Variants in IFNAR1 observed in about 807,000 individuals in gnomAD.
IFNAR1 encodes interferon alpha and beta receptor subunit 1.
A neutral mutation model predicts 62.1 loss-of-function variants in IFNAR1; 47 were observed. That is an observed-to-expected ratio of 0.76 (90% CI 0.60 to 0.97). The LOEUF (loss-of-function observed/expected upper bound fraction) is 0.97. Among genes scored for constraint, IFNAR1 ranks in the 50% least tolerant of loss-of-function variants. The pLI, the probability that IFNAR1 is intolerant of heterozygous loss-of-function variation, is 0.00. For missense variants in IFNAR1, 638 were observed against 654.5 expected (o/e 0.97, Z 0.27); for synonymous variants, 219 against 226.9 (o/e 0.97, Z 0.31).
intron 6 of IFNAR1, among the ~76,000 whole-genome samples, chr21:33,348,354 G>A (rs555791963): frequency 1.3e-5 from 2 of 152,160 alleles, no homozygotes; most frequent in East Asian, 3.9e-4. Flanking sequence ...ATATGGAGTT[G>A]GGAACATATG....
intron 10 of IFNAR1, among the ~76,000 whole-genome samples, chr21:33,354,772 G>A (rs920659851): frequency 6.6e-6 from 1 of 152,036 alleles, no homozygotes; most frequent in Non-Finnish European, 1.5e-5. Context: ...TAGGAGCAAA[G>A]GAGTTAAACC....
chr21:33,334,341 C>T (rs2083212268), intron 1 of IFNAR1, among the ~76,000 whole-genome samples: 1 of 152,056 alleles, frequency 6.6e-6, no homozygotes, highest in African/African-American at 2.4e-5. Context: ...AAGCCAAAGA[C>T]AGAGAAGTGA....
intron 5 of IFNAR1, among the ~76,000 whole-genome samples, chr21:33,344,651 A>G (rs1242134537): frequency 6.6e-6 from 1 of 152,070 alleles, no homozygotes; most frequent in Non-Finnish European, 1.5e-5. Context: ...TACTAGAAGT[A>G]TTTTACAGCT....
intron 3 of IFNAR1, among the ~76,000 whole-genome samples, chr21:33,342,155 T>C (rs891348927): frequency 1.4e-4 from 21 of 152,264 alleles, no homozygotes; most frequent in African/African-American, 5.1e-4. Context: ...ACACCTGTAA[T>C]TCCAACACTT....
In IFNAR1 at chr21:33,351,824, A is replaced by G. The variant is rs73364242; in HGVS notation, c.1144-934A>G. Reference sequence around the variant, plus strand: ...AGGGATTTCCTCAGCCTCCCAAGTAACAGAGACTACAGGCTCACACCACCA... The same window carrying G: ...AGGGATTTCCTCAGCCTCCCAAGTAGCAGAGACTACAGGCTCACACCACCA... On this transcript the variant is annotated intron_variant, in intron 8 of 10. Transcript: ENST00000270139. 6.2e-3 allele frequency among the ~76,000 whole-genome samples: 935 copies of G among 152,020 alleles called. 8 individuals carry two copies. The highest frequency in any genetic ancestry group is 0.021 in the African/African-American group (891 of 41,452).
At chr21:33,325,199 G>A (rs962125850) in intron 1 of IFNAR1, 68 bp downstream of exon 1, 3 of 1,384,370 alleles carry the variant, frequency 2.2e-6, no homozygotes, top group African/African-American at 2.8e-5. Context: ...CTACGGGGGC[G>A]GCGATGCTGT....
At chr21:33,324,898 T>G (rs1423917271), upstream of IFNAR1, 4 of 632,306 alleles carry the variant, frequency 6.3e-6, no homozygotes, top group Admixed American at 7.5e-5. Context: ...GGGCGGTGTG[T>G]GTGTCAGAAG....
chr21:33,342,672 G>A lies in IFNAR1; in HGVS notation c.377-596G>A, dbSNP rs372358226. The stretch of plus-strand genomic sequence containing the variant: ...ATCCTGGCTAACACGGTGAAACCCT[G>A]TCTCTACTAAAAATACAAAAAAAAA... On this transcript the variant is annotated intron_variant, in intron 3 of 10. Coordinates refer to ENST00000270139, the MANE Select transcript of IFNAR1 (RefSeq NM_000629.3). Among the ~76,000 whole-genome samples the A allele has an allele frequency of 2.2e-4, 29 of 133,300 alleles. No individual in the cohort carries two copies. The East Asian group carries it at 2.9e-3, about 13-fold the overall frequency. The allele number at this position is 133,300 out of a possible 152,430, so 87.4% of individuals were successfully genotyped here.
chr21:33,331,657 C>T (rs929553871), intron 1 of IFNAR1, among the ~76,000 whole-genome samples: 1 of 152,152 alleles, frequency 6.6e-6, no homozygotes, highest in Non-Finnish European at 1.5e-5. Context: ...GCTGCTGCTG[C>T]TACACTTGGC....
At chr21:33,345,914 C>T (rs1021577383) in intron 6 of IFNAR1, among the ~76,000 whole-genome samples, 6 of 152,176 alleles carry the variant, frequency 3.9e-5, no homozygotes, top group East Asian at 1.9e-4. Flanking sequence ...GAAGTCCAGG[C>T]GCTGCATAAA....
Position 33,353,040 on chromosome 21 carries a change from G to T in IFNAR1, c.1294+132G>T, listed in dbSNP as rs1030617619. 5 of 549,720 alleles carry T rather than the reference G, an allele frequency of 9.1e-6. No individual in the cohort carries two copies. In the South Asian group the frequency reaches 2.7e-4, roughly 30 times the overall value. 34.1% of individuals were successfully genotyped at this position (549,720 alleles called of 1,614,324 possible). A position where few individuals can be genotyped will look rare whatever the true frequency, so the allele number is the denominator to read the frequency against. On this transcript the variant is annotated intron_variant, in intron 9 of 10. Coordinates refer to ENST00000270139, the MANE Select transcript of IFNAR1 (RefSeq NM_000629.3). ...TATATAGAAAGAATGTTTTCTTCAT[G>T]AACTACATGAATCAAAAGTAGACTT...
At chr21:33,327,629 T>TTA (rs2083139040) in intron 1 of IFNAR1, among the ~76,000 whole-genome samples, 1 of 152,206 alleles carries the variant, frequency 6.6e-6, no homozygotes, top group South Asian at 2.1e-4. Flanking sequence ...AAGGGCCTAA[T>TTA]TATCAGTATC....
intron 3 of IFNAR1, among the ~76,000 whole-genome samples, chr21:33,342,765 G>C (rs1276160607): frequency 6.6e-6 from 1 of 151,674 alleles, no homozygotes; most frequent in Non-Finnish European, 1.5e-5. Flanking sequence ...GCTGAGGCAG[G>C]AGAATGACAT....
In IFNAR1 at chr21:33,353,644, C is replaced by G. The variant is rs1226713825; in HGVS notation, c.1301C>G (p.Thr434Ser). The change falls in exon 10 of 11, where the codon ACC becomes AGC. Residue 434 changes from threonine (T) to serine (S), a missense_variant. Transcript: ENST00000270139. Reference sequence around the variant, plus strand: ...ATCACGTATATCTTTTTAGGAAATACCTCTAAAATTTGGCTTATAGTTGGA... The same window carrying G: ...ATCACGTATATCTTTTTAGGAAATAGCTCTAAAATTTGGCTTATAGTTGGA... Reference protein sequence around the residue: ...AVCEKTKPGNTSKIWLIVGIC... With the variant: ...AVCEKTKPGNSSKIWLIVGIC... 5.8e-6 allele frequency: 9 copies of G among 1,541,006 alleles called. No homozygotes were observed. The highest frequency in any genetic ancestry group is 7.9e-6 in the Non-Finnish European group (9 of 1,136,816).
At chr21:33,344,747 T>C (rs1171133446) in intron 5 of IFNAR1, among the ~76,000 whole-genome samples, 2 of 150,354 alleles carry the variant, frequency 1.3e-5, no homozygotes, top group African/African-American at 4.9e-5. Context: ...AGCCATCTAT[T>C]GCATTCTTTC....
At chr21:33,353,192 A>G (rs1253899099) in intron 9 of IFNAR1, among the ~76,000 whole-genome samples, 2 of 152,226 alleles carry the variant, frequency 1.3e-5, no homozygotes, top group Admixed American at 6.5e-5. Flanking sequence ...ACTATTTTAA[A>G]TTTTTAGAAT....
Position 33,349,438 on chromosome 21 carries a change from C to G in IFNAR1, c.1038C>G (p.Phe346Leu), listed in dbSNP as rs1182039209. 10 of 1,610,928 alleles carry G rather than the reference C, an allele frequency of 6.2e-6. No homozygotes were observed. In the Admixed American group the frequency reaches 1.3e-4, roughly 22 times the overall value. ...ACATTAGATCCCTTAGTGATTCATT[C>G]CATATCTATATCGGTGCTCCAAAAC... is the stretch of plus-strand genomic sequence containing the variant. ...VFNIRSLSDS[F>L]HIYIGAPKQS... Residue 346 changes from phenylalanine (F) to leucine (L), a missense_variant, in exon 8 of 11, where the codon TTC (phenylalanine) becomes TTG (leucine). By Grantham distance (22) the Phe-to-Leu change is conservative (BLOSUM62 0). Transcript: ENST00000270139.
intron 8 of IFNAR1, among the ~76,000 whole-genome samples, chr21:33,351,058 T>A (rs183075699): frequency 6.6e-6 from 1 of 152,344 alleles, no homozygotes; most frequent in Non-Finnish European, 1.5e-5. Context: ...GTTGCCATCT[T>A]AACCTATACT....
chr21:33,337,260 T>C (rs1276959522), intron 2 of IFNAR1, among the ~76,000 whole-genome samples: 1 of 152,024 alleles, frequency 6.6e-6, no homozygotes, highest in Non-Finnish European at 1.5e-5. Flanking sequence ...AAAATCGATA[T>C]ATTGGACCTT....
Sources: gnomAD v4.1 joint callset for allele counts (sites outside exome capture counted in the v4.1 genomes callset) on GRCh38, gnomAD v4.1.1 for gene constraint, MANE v1.5 for transcripts, NCBI Gene and HGNC (gene_info 2026-07-23, HGNC 2026-07-21) for gene names.